Variants in C1QTNF7 observed in about 807,000 individuals in gnomAD.
The protein encoded by C1QTNF7 is complement C1q tumor necrosis factor-related protein 7.
A neutral mutation model predicts 19.6 loss-of-function variants in C1QTNF7; 15 were observed. That is an observed-to-expected ratio of 0.76 (90% CI 0.51 to 1.18). The LOEUF is 1.18. Ranked by LOEUF, C1QTNF7 falls within the 50% of genes most tolerant of loss-of-function variation. C1QTNF7 has a pLI of 0.00. For synonymous variants in C1QTNF7, 142 were observed against 137.5 expected, an observed-to-expected ratio of 1.03 and a Z score of -0.23; for missense variants, 324 against 359.7, an observed-to-expected ratio of 0.90 and a Z score of 0.80.
In C1QTNF7 at chr4:15,401,050, C is replaced by T. The variant is rs116075003; in HGVS notation, c.14-34686C>T. On this transcript the variant is annotated intron_variant, in intron 1 of 2. Coordinates refer to the C1QTNF7 transcript ENST00000295297. ...CAAGTGTCTTAGAGGAGGGCAGAACCGGAAATACTAGCGGGCGCACCCCAG... is the reference window on the plus strand; with the variant it reads ...CAAGTGTCTTAGAGGAGGGCAGAACTGGAAATACTAGCGGGCGCACCCCAG... Among the ~76,000 whole-genome samples the T allele has an allele frequency of 4.7e-3, 716 of 152,262 alleles. 7 individuals carry two copies. The highest frequency in any genetic ancestry group is 0.016 in the African/African-American group (674 of 41,552).
chr4:15,350,306 G>GGAA (rs140508337), intron 1 of C1QTNF7, among the ~76,000 whole-genome samples: 1 of 2,082 alleles, frequency 4.8e-4, no homozygotes, highest in African/African-American at 2.1e-3. Context: ...AGGAAAGGAG[G>GGAA]GAAGGGAGGG....
intron 1 of C1QTNF7, among the ~76,000 whole-genome samples, chr4:15,357,566 G>A (rs929461636): frequency 2.0e-5 from 3 of 152,068 alleles, no homozygotes; most frequent in Admixed American, 6.6e-5. Flanking sequence ...TTGGCTATAC[G>A]GGCTCTTTTT....
chr4:15,361,490 T>C (rs1291371895), intron 1 of C1QTNF7, among the ~76,000 whole-genome samples: 2 of 152,110 alleles, frequency 1.3e-5, no homozygotes, highest in Non-Finnish European at 2.9e-5. Flanking sequence ...CAACATTATC[T>C]GGGGGAAGAA....
At chr4:15,348,046 T>G (rs1398391717) in intron 1 of C1QTNF7, among the ~76,000 whole-genome samples, 2 of 152,148 alleles carry the variant, frequency 1.3e-5, no homozygotes, top group African/African-American at 4.8e-5. Context: ...CTGGAAGTAT[T>G]AAATGAGATA....
Position 15,407,810 on chromosome 4 carries a change from C to T in C1QTNF7, c.14-27926C>T, listed in dbSNP as rs115257042. ...GGTGTGGTGGTGGGTACCTGTAATC[C>T]AGCTATTCAGGAGGCTAAGGCAAGA... On this transcript the variant is annotated intron_variant, in intron 1 of 2. Coordinates refer to the C1QTNF7 transcript ENST00000295297. 7.4e-3 allele frequency among the ~76,000 whole-genome samples: 1,129 copies of T among 152,122 alleles called. 17 individuals carry two copies. Among genetic ancestry groups the T allele is most frequent in the African/African-American group, 0.025 (1,047 of 41,460 alleles).
At chr4:15,391,510 A>G (rs147500707) in intron 1 of C1QTNF7, among the ~76,000 whole-genome samples, 8 of 152,282 alleles carry the variant, frequency 5.3e-5, no homozygotes, top group African/African-American at 1.9e-4. Flanking sequence ...GTAAACAACA[A>G]AAGTCAGTGC....
intron 1 of C1QTNF7, among the ~76,000 whole-genome samples, chr4:15,388,877 T>C (rs933595988): frequency 2.6e-5 from 4 of 152,114 alleles, no homozygotes; most frequent in Non-Finnish European, 4.4e-5. Context: ...TAGTGAGTGG[T>C]GTAGACAGAG....
intron 2 of C1QTNF7, among the ~76,000 whole-genome samples, chr4:15,441,750 G>A (rs9998722): frequency 0.1 from 15,539 of 152,150 alleles, 1,228 homozygotes; most frequent in Admixed American, 0.19. Flanking sequence ...GGCTGGGCGC[G>A]GTGGCTCATG....
intron 1 of C1QTNF7, among the ~76,000 whole-genome samples, chr4:15,393,425 G>T (rs1189499705): frequency 6.6e-6 from 1 of 152,142 alleles, no homozygotes; most frequent in East Asian, 1.9e-4. Flanking sequence ...ATCTTAGAAG[G>T]AGGCCCCCAG....
At chr4:15,340,182 T>C in exon 1 of C1QTNF7, 3 of 1,551,654 alleles carry the variant, frequency 1.9e-6, no homozygotes, top group Non-Finnish European at 2.6e-6. Context: ...TGGGGGAAAG[T>C]TTGATATCAG....
Position 15,435,835 on chromosome 4 carries a change from G to T in C1QTNF7, c.92G>T (p.Arg31Met). The T allele has an allele frequency of 6.2e-7, 1 of 1,614,102 alleles. No homozygotes were observed. The highest frequency in any genetic ancestry group is 8.5e-7 in the Non-Finnish European group (1 of 1,180,024). ...TTGAAAGGAGAGAACTACTCCCCCA[G>T]GTATATCTGCAGCATTCCTGGCTTG... ...NQLKGENYSP[R>M]YICSIPGLPG... The change falls in exon 2 of 3, where the codon AGG becomes ATG. Residue 31 changes from arginine (R) to methionine (M), a missense_variant. Arg to Met is a moderately conservative substitution (Grantham distance 91). Coordinates refer to ENST00000444304, the MANE Select transcript of C1QTNF7 (RefSeq NM_031911.5).
rs528859971 is a variant in C1QTNF7, at chr4:15,419,326, G to A, written c.14-16410G>A. On this transcript the variant is annotated intron_variant, in intron 1 of 2. Transcript: ENST00000295297. Reference sequence around the variant, plus strand: ...ATCTCATTTATACTAGGAAAAAATAGAAACAGCTTAATTGTCCCCTAATAG... The same window carrying A: ...ATCTCATTTATACTAGGAAAAAATAAAAACAGCTTAATTGTCCCCTAATAG... Among the ~76,000 whole-genome samples the A allele has an allele frequency of 2.0e-5, 3 of 152,286 alleles. No homozygotes were observed. The East Asian group carries it at 5.8e-4, about 29-fold the overall frequency.
intron 1 of C1QTNF7, among the ~76,000 whole-genome samples, chr4:15,367,199 C>T (rs1717557006): frequency 6.6e-6 from 1 of 152,148 alleles, no homozygotes; most frequent in Non-Finnish European, 1.5e-5. Flanking sequence ...AATTTCCAGT[C>T]GTCTTCAAAG....
intron 1 of C1QTNF7, among the ~76,000 whole-genome samples, chr4:15,357,156 C>A (rs1386504101): frequency 6.6e-6 from 1 of 152,100 alleles, no homozygotes; most frequent in Non-Finnish European, 1.5e-5. Context: ...GTGTTTTAGT[C>A]ATGAAGTCTT....
chr4:15,369,403 C>A (rs778971392), intron 1 of C1QTNF7, among the ~76,000 whole-genome samples: 1 of 152,144 alleles, frequency 6.6e-6, no homozygotes, highest in East Asian at 1.9e-4. Flanking sequence ...TATCTATAAA[C>A]TCTGTTAAAC....
rs1286064317 is a variant in C1QTNF7 at position 15,406,709 on chromosome 4, T to C, written c.14-29027T>C. 2.6e-5 allele frequency among the ~76,000 whole-genome samples: 4 copies of C among 152,324 alleles called. No homozygotes were observed. In the East Asian group the frequency reaches 5.8e-4, roughly 22 times the overall value. On this transcript the variant is annotated intron_variant, in intron 1 of 2. Coordinates refer to the C1QTNF7 transcript ENST00000295297. ...ACAATTTTAACACATCCATATACTGTAATTTAAAAATTACTCTGTAGAATT... is the reference window on the plus strand; with the variant it reads ...ACAATTTTAACACATCCATATACTGCAATTTAAAAATTACTCTGTAGAATT...
intron 1 of C1QTNF7, among the ~76,000 whole-genome samples, chr4:15,389,394 A>T (rs970986142): frequency 6.6e-6 from 1 of 152,094 alleles, no homozygotes; most frequent in Non-Finnish European, 1.5e-5. Flanking sequence ...ACTCCTGTGC[A>T]TGATGATTGG....
intron 1 of C1QTNF7, among the ~76,000 whole-genome samples, chr4:15,403,740 C>A (rs1287271216): frequency 6.6e-6 from 1 of 152,182 alleles, no homozygotes; most frequent in Non-Finnish European, 1.5e-5. Context: ...CAGCCCACTA[C>A]AAATGGTGTG....
At chr4:15,410,754 C>G (rs1398383505) in intron 1 of C1QTNF7, among the ~76,000 whole-genome samples, 1 of 152,168 alleles carries the variant, frequency 6.6e-6, no homozygotes, top group African/African-American at 2.4e-5. Context: ...AGAAAAATCA[C>G]CAGGATTTCA....
Sources: allele counts gnomAD v4.1 joint callset (sites outside exome capture counted in the v4.1 genomes callset), GRCh38; gene constraint gnomAD v4.1.1; transcripts MANE v1.5; gene names NCBI Gene and HGNC (gene_info 2026-07-23, HGNC 2026-07-21).